The following RICTOR variants were observed in gnomAD, a reference collection of about 807,000 sequenced individuals.
RICTOR encodes rapamycin-insensitive companion of mTOR.
In RICTOR, 49 loss-of-function variants were observed where a neutral mutation model predicts 214.9. That is an observed-to-expected ratio of 0.23 (90% CI 0.18 to 0.29). The LOEUF (loss-of-function observed/expected upper bound fraction) is 0.29. Among genes scored for constraint, RICTOR ranks in the 10% least tolerant of loss-of-function variants. RICTOR has a pLI of 1.00. For synonymous variants in RICTOR, 717 were observed against 711.3 expected (o/e 1.01, Z -0.13); for missense variants, 1,625 against 2,047.0 (o/e 0.79, Z 3.98).
intron 2 of RICTOR, among the ~76,000 whole-genome samples, chr5:39,066,204 T>C (rs1758893518): frequency 6.6e-6 from 1 of 152,192 alleles, no homozygotes; most frequent in Non-Finnish European, 1.5e-5. Context: ...GGCTTAATAA[T>C]ACATGTAAGC....
At chr5:39,045,189 AAC>A (rs1757406290) in intron 2 of RICTOR, among the ~76,000 whole-genome samples, 1 of 152,164 alleles carries the variant, frequency 6.6e-6, no homozygotes, top group African/African-American at 2.4e-5. Context: ...TTTGTACACA[AAC>A]ACAAAGTATA....
At chr5:38,987,762 T>G (rs1221710180) in intron 7 of RICTOR, among the ~76,000 whole-genome samples, 1 of 152,188 alleles carries the variant, frequency 6.6e-6, no homozygotes, top group African/African-American at 2.4e-5. Context: ...TGAACTTGTT[T>G]GCTCTTGCTT....
intron 33 of RICTOR, among the ~76,000 whole-genome samples, chr5:38,946,098 A>G (rs1411344333): frequency 1.3e-5 from 2 of 152,200 alleles, no homozygotes; most frequent in Non-Finnish European, 2.9e-5. Context: ...ATAACAGTTC[A>G]AAACAAAGAC....
intron 2 of RICTOR, among the ~76,000 whole-genome samples, chr5:39,044,026 A>C (rs1312950857): frequency 6.6e-6 from 1 of 152,210 alleles, no homozygotes; most frequent in East Asian, 1.9e-4. Flanking sequence ...AAACTGATTA[A>C]TCCATTAATG....
Position 38,944,956 on chromosome 5 carries a change from T to C in RICTOR, c.4746A>G (p.Gln1582=). 6.2e-7 allele frequency: 1 copy of C among 1,614,072 alleles called. No individual in the cohort carries two copies. Among genetic ancestry groups the C allele is most frequent in the Non-Finnish European group, 8.5e-7 (1 of 1,179,966 alleles). The change falls in exon 35 of 38, where the codon CAA becomes CAG. Residue 1582 remains glutamine (Q), a synonymous_variant. Coordinates refer to ENST00000357387, the MANE Select transcript of RICTOR (RefSeq NM_152756.5). ...TTTTGGTGCTGCTAGCTGAGCCTTC[T>C]TGAGACACCCCATCACTGCATCCAG... ...GISGCSDGVS[Q]EGSASSTKST...
chr5:38,959,153 A>C, intron 22 of RICTOR, 42 bp downstream of exon 22: 1 of 1,420,570 alleles, frequency 7.0e-7, no homozygotes, highest in Non-Finnish European at 9.5e-7. Context: ...GTAGTGAATT[A>C]ATTGGTTATA....
At chr5:38,994,418 CTAAAAAAA>C (rs1753015138) in intron 6 of RICTOR, among the ~76,000 whole-genome samples, 1 of 14,180 alleles carries the variant, frequency 7.1e-5, no homozygotes, top group Non-Finnish European at 1.3e-4. Flanking sequence ...CAAGGTTTTA[CTAAAAAAA>C]AAAAAAAAAA....
At chr5:39,022,576 C>T (rs988574023) in intron 2 of RICTOR, 1 of 153,010 alleles carries the variant, frequency 6.5e-6, no homozygotes, top group African/African-American at 2.4e-5. Context: ...CCTGGCTGCC[C>T]TAGAGCAGCA....
rs1751175773 is a variant in RICTOR, at chr5:38,975,739, G to C, written c.822-135C>G. 7 of 470,240 alleles carry C rather than the reference G, an allele frequency of 1.5e-5. No homozygotes were observed. The South Asian group carries it at 1.7e-4, about 12-fold the overall frequency. 29.1% of individuals were successfully genotyped at this position (470,240 alleles called of 1,614,324 possible). ...ACACATAAAATTAAAACAAGACAAA[G>C]ATCAGATCTACACTAAAGCAAATTA... On this transcript the variant is annotated intron_variant, in intron 9 of 37. Coordinates refer to ENST00000357387, the MANE Select transcript of RICTOR (RefSeq NM_152756.5).
chr5:38,975,668 C>G, intron 9 of RICTOR, 64 bp from the exon 10 acceptor site: 1 of 1,199,070 alleles, frequency 8.3e-7, no homozygotes, highest in South Asian at 1.2e-5. Flanking sequence ...GAGTTTTTTC[C>G]TGCTACTAAA....
intron 6 of RICTOR, among the ~76,000 whole-genome samples, chr5:38,992,465 G>A (rs1752861276): frequency 6.6e-6 from 1 of 152,000 alleles, no homozygotes; most frequent in Admixed American, 6.6e-5. Context: ...CCGGCAAAAT[G>A]GTTTTTAGAG....
Position 38,941,323 on chromosome 5 carries a change from ATG to A in RICTOR, c.*979_*980del, listed in dbSNP as rs869186030. On this transcript the variant is annotated 3_prime_UTR_variant, in exon 38 of 38. Coordinates refer to ENST00000357387, the MANE Select transcript of RICTOR (RefSeq NM_152756.5). Reference sequence around the variant, plus strand: ...TTTTTCTCAATAACAAGCTTTATTAATGTTTTTTTTAAGGAAATATGGCTCTT... The same window carrying A: ...TTTTTCTCAATAACAAGCTTTATTAATTTTTTTTAAGGAAATATGGCTCTT... 9.2e-5 allele frequency: 19 copies of A among 207,180 alleles called. No individual in the cohort carries two copies. The highest frequency in any genetic ancestry group is 1.6e-4 in the Non-Finnish European group (17 of 105,110). The allele number at this position is 207,180 out of a possible 1,614,324, so 12.8% of individuals were successfully genotyped here.
Position 38,945,655 on chromosome 5 carries a change from G to A in RICTOR, c.4469C>T (p.Thr1490Met), listed in dbSNP as rs1032272899. 10 of 1,613,818 alleles carry A rather than the reference G, an allele frequency of 6.2e-6. No individual in the cohort carries two copies. Among genetic ancestry groups the A allele is most frequent in the East Asian group, 2.2e-5 (1 of 44,890 alleles). The stretch of plus-strand genomic sequence containing the variant: ...TGAATGGATTGAATTCATTATTTCC[G>A]TAAGACTCATCTGCTGTCGTAGCAA... ...FHLLRQQMSL[T>M]EIMNSIHSDA... The change falls in exon 34 of 38, where the codon ACG becomes ATG. Residue 1490 changes from threonine (T) to methionine (M), a missense_variant. Coordinates refer to ENST00000357387, the MANE Select transcript of RICTOR (RefSeq NM_152756.5).
intron 11 of RICTOR, among the ~76,000 whole-genome samples, chr5:38,969,519 T>G (rs1317520921): frequency 1.2e-5 from 1 of 80,776 alleles, no homozygotes; most frequent in East Asian, 3.8e-4. Flanking sequence ...AGCCTAAGTA[T>G]ACAAGTCTGT....
At chr5:39,038,942 T>G (rs1384700988) in intron 2 of RICTOR, among the ~76,000 whole-genome samples, 2 of 152,154 alleles carry the variant, frequency 1.3e-5, no homozygotes, top group Non-Finnish European at 2.9e-5. Context: ...CCAATGACTT[T>G]CTTCACAGAA....
chr5:39,039,933 G>C (rs1757040537), intron 2 of RICTOR, among the ~76,000 whole-genome samples: 2 of 151,940 alleles, frequency 1.3e-5, no homozygotes, highest in Admixed American at 1.3e-4. Flanking sequence ...TCTAGAACTA[G>C]AAATACCATT....
chr5:38,960,294 C>A (rs1237114818), intron 20 of RICTOR, 104 bp downstream of exon 20: 2 of 1,077,752 alleles, frequency 1.9e-6, no homozygotes, highest in Non-Finnish European at 1.4e-6. Flanking sequence ...ACGGCTTATG[C>A]ATATTCAGAA....
intron 7 of RICTOR, among the ~76,000 whole-genome samples, chr5:38,989,742 T>C (rs1025287962): frequency 1.3e-5 from 2 of 152,020 alleles, no homozygotes; most frequent in South Asian, 2.1e-4. Context: ...AACAAACATA[T>C]GAAAAAAAGC....
chr5:39,048,349 GA>G (rs1220732922), intron 2 of RICTOR, among the ~76,000 whole-genome samples: 1 of 152,206 alleles, frequency 6.6e-6, no homozygotes, highest in African/African-American at 2.4e-5. Context: ...TAAATTTTGG[GA>G]GATTCTGTAA....
Sources: gnomAD v4.1 joint callset for allele counts (sites outside exome capture counted in the v4.1 genomes callset) on GRCh38, gnomAD v4.1.1 for gene constraint, MANE v1.5 for transcripts, NCBI Gene and HGNC (gene_info 2026-07-23, HGNC 2026-07-21) for gene names.